The following FAM3A variants were observed in gnomAD, a reference collection of about 807,000 sequenced individuals.
FAM3A encodes protein FAM3A.
A neutral mutation model predicts 18.1 loss-of-function variants in FAM3A; 5 were observed. The ratio of observed to expected loss-of-function variants is 0.28; its 90% CI spans 0.14 to 0.58. The LOEUF (loss-of-function observed/expected upper bound fraction) is 0.58, where lower values mean the gene tolerates loss of function less well. FAM3A is among the 20% of genes least tolerant of loss of function. The probability of loss-of-function intolerance (pLI) is 0.91; values close to 1 mark genes in which losing one functional copy is unlikely to be tolerated. For synonymous variants in FAM3A, 108 were observed against 90.2 expected (o/e 1.20, Z -1.12); for missense variants, 154 against 216.6 (o/e 0.71, Z 1.81).
At chrX:154,508,421 G>A (rs782400707) in intron 4 of FAM3A, 53 bp downstream of exon 4, 96 of 1,185,324 alleles carry the variant, frequency 8.1e-5, no homozygotes, top group African/African-American at 6.5e-4. Flanking sequence ...TTGCAGACCC[G>A]GCCCTGGATC....
intron 3 of FAM3A, 90 bp from the exon 4 acceptor site, chrX:154,508,687 A>G: frequency 9.5e-7 from 1 of 1,048,526 alleles, no homozygotes; most frequent in Non-Finnish European, 1.3e-6. Context: ...CACATGGTAG[A>G]ACAAGTGACC....
chrX:154,511,040 T>C, intron 3 of FAM3A: 1 of 111,766 alleles, frequency 8.9e-6, no homozygotes, highest in Non-Finnish European at 1.9e-5. Context: ...CAAGCAGTGT[T>C]GAGAGCGTAG....
Position 154,515,748 on chromosome X carries a change from G to A in FAM3A, c.13+12C>T. On this transcript the variant is annotated intron_variant, in intron 1 of 8. Coordinates refer to ENST00000447601, the MANE Select transcript of FAM3A (RefSeq NM_021806.4). ...TTTCAACTCCCTCCCGTTCGCTGTG[G>A]AAGCCACCCACCTGCCAACCTCATG... 8.3e-7 allele frequency: 1 copy of A among 1,211,429 alleles called. No homozygotes were observed. The highest frequency in any genetic ancestry group is 1.1e-6 in the Non-Finnish European group (1 of 895,007).
At position 154,506,277 on chromosome X, in the gene FAM3A, T is replaced by C. The variant is rs1557217732; in HGVS notation, c.*534A>G. 8.7e-6 allele frequency: 1 copy of C among 115,021 alleles called. No homozygotes were observed. The highest frequency in any genetic ancestry group is 3.2e-5 in the African/African-American group (1 of 30,842). 9.5% of individuals were successfully genotyped at this position (115,021 alleles called of 1,213,427 possible). A position where few individuals can be genotyped will look rare whatever the true frequency, so the allele number is the denominator to read the frequency against. On this transcript the variant is annotated 3_prime_UTR_variant, in exon 9 of 9. Coordinates refer to ENST00000447601, the MANE Select transcript of FAM3A (RefSeq NM_021806.4). ...GCTACTTCACCACCCCGGGCCAGCC[T>C]GCTCCAGGGGTCCCTTCCTGCTGAG...
rs2069534007 is a variant in FAM3A, at chrX:154,506,587, CCTGGGCTCCCGTGACAAAGTGCGG to C, written c.*200_*223del. ...AGTGTTACGAAAAGGAGGCGGGTAC[CCTGGGCTCCCGTGACAAAGTGCGG>C]CAGGGCTACCCCCTGCAGCCCCCAT... On this transcript the variant is annotated 3_prime_UTR_variant, in exon 9 of 9. Coordinates refer to ENST00000447601, the MANE Select transcript of FAM3A (RefSeq NM_021806.4). 7.2e-6 allele frequency: 3 copies of C among 418,519 alleles called. No individual in the cohort carries two copies. The highest frequency in any genetic ancestry group is 1.3e-5 in the Non-Finnish European group (3 of 238,938). 34.5% of individuals were successfully genotyped at this position (418,519 alleles called of 1,213,427 possible).
intron 2 of FAM3A, 30 bp from the exon 3 acceptor site, chrX:154,511,901 T>C: frequency 1.7e-6 from 2 of 1,200,739 alleles, no homozygotes; most frequent in South Asian, 3.5e-5. Flanking sequence ...TCTGTTAGTG[T>C]GGAGCCTCCC....
At chrX:154,512,150 G>C (rs911716805) in intron 2 of FAM3A, among the ~76,000 whole-genome samples, 4 of 109,359 alleles carry the variant, frequency 3.7e-5, no homozygotes, top group South Asian at 4.0e-4. Flanking sequence ...GGGAGGCTGA[G>C]GCGGGTAGAT....
chrX:154,507,591 C>T, intron 6 of FAM3A, 101 bp from the exon 7 acceptor site: 2 of 937,263 alleles, frequency 2.1e-6, no homozygotes, highest in Non-Finnish European at 3.0e-6. Flanking sequence ...GGGATTGGGC[C>T]TGGGACATGC....
chrX:154,513,369 C>T (rs940289447), intron 1 of FAM3A, among the ~76,000 whole-genome samples: 11 of 111,975 alleles, frequency 9.8e-5, no homozygotes, highest in East Asian at 2.8e-4. Context: ...CAGTGGCTCA[C>T]GCCTGTAATC....
At chrX:154,507,934 G>C in intron 5 of FAM3A, 73 bp from the exon 6 acceptor site, 1 of 934,666 alleles carries the variant, frequency 1.1e-6, no homozygotes, top group South Asian at 2.3e-5. Context: ...GTAGCACCGG[G>C]GGTGGGGGGC....
At position 154,507,025 on chromosome X, in the gene FAM3A, C is replaced by T. The variant is rs1221151132; in HGVS notation, c.598-119G>A. On this transcript the variant is annotated intron_variant, in intron 8 of 8. Transcript: ENST00000447601. ...GTTGGCCAACGGTGTACTCTCAGGG[C>T]ACTTGGCCCCTCCACCCATCCCAGG... 1.3e-5 allele frequency: 11 copies of T among 874,843 alleles called. No individual in the cohort carries two copies. In the Admixed American group the frequency reaches 3.0e-4, roughly 24 times the overall value. 72.1% of individuals were successfully genotyped at this position (874,843 alleles called of 1,213,427 possible).
intron 3 of FAM3A, chrX:154,511,213 G>A (rs1217946485): frequency 8.9e-6 from 1 of 111,804 alleles, no homozygotes; most frequent in African/African-American, 3.2e-5. Context: ...CTGTTCAAGC[G>A]TTTGCCCCAG....
rs782464093 is a variant in FAM3A at position 154,507,861 on chromosome X, CCT to C, written c.335-2_335-1del. ...GGCCTCGATGAGCTCGCCGCTGACC[CCT>C]GTGTCAGGAGGGAGGGGCCCTGCTG... is the stretch of plus-strand genomic sequence containing the variant. On this transcript the variant is annotated splice_acceptor_variant, in intron 5 of 8. Coordinates refer to ENST00000447601, the MANE Select transcript of FAM3A (RefSeq NM_021806.4). LOFTEE classifies it high-confidence loss of function. 1.0e-5 allele frequency: 12 copies of C among 1,190,561 alleles called. No individual in the cohort carries two copies. Among genetic ancestry groups the C allele is most frequent in the South Asian group, 1.8e-5 (1 of 54,167 alleles).
intron 1 of FAM3A, among the ~76,000 whole-genome samples, chrX:154,514,501 A>T (rs782126557): frequency 4.7e-5 from 5 of 107,300 alleles, no homozygotes; most frequent in African/African-American, 1.0e-4. Flanking sequence ...CCTCCCGGTT[A>T]CACGCCATTC....
In FAM3A at chrX:154,514,988, T is replaced by C. The variant is rs1195485624; in HGVS notation, c.13+772A>G. On this transcript the variant is annotated intron_variant, in intron 1 of 8. Coordinates refer to ENST00000447601, the MANE Select transcript of FAM3A (RefSeq NM_021806.4). ...CCGCCACCACGCCAGGCTCATTTTTTTGTATTTTTTTAGTAGAGATGAGGA... is the reference window on the plus strand; with the variant it reads ...CCGCCACCACGCCAGGCTCATTTTTCTGTATTTTTTTAGTAGAGATGAGGA... 3.6e-5 allele frequency among the ~76,000 whole-genome samples: 4 copies of C among 110,691 alleles called. No individual in the cohort carries two copies. The Admixed American group carries it at 3.8e-4, about 11-fold the overall frequency.
intron 3 of FAM3A, chrX:154,510,179 C>A (rs1239122996): frequency 1.8e-5 from 2 of 111,371 alleles, no homozygotes; most frequent in East Asian, 5.6e-4. Flanking sequence ...CCAGCCTGGG[C>A]AACATAGTGA....
At chrX:154,510,084 G>A (rs2069781904) in intron 3 of FAM3A, 1 of 112,481 alleles carries the variant, frequency 8.9e-6, no homozygotes, top group African/African-American at 3.2e-5. Context: ...AGGTGCTTTT[G>A]GGTTGGGTGT....
At chrX:154,507,788 C>G in intron 6 of FAM3A, 23 bp downstream of exon 6, 1 of 1,173,475 alleles carries the variant, frequency 8.5e-7, no homozygotes, top group East Asian at 3.1e-5. Flanking sequence ...AGTCAAAATG[C>G]AAGACGCTGC....
At chrX:154,507,915 G>C in intron 5 of FAM3A, 54 bp from the exon 6 acceptor site, 1 of 1,087,762 alleles carries the variant, frequency 9.2e-7, no homozygotes, top group South Asian at 2.1e-5. Flanking sequence ...CTCAGGGCAC[G>C]GCAGGCGGGT....
Sources: allele counts gnomAD v4.1 joint callset (sites outside exome capture counted in the v4.1 genomes callset), GRCh38; gene constraint gnomAD v4.1.1; transcripts MANE v1.5; gene names NCBI Gene and HGNC (gene_info 2026-07-23, HGNC 2026-07-21).